Variants in POU3F3 observed in about 807,000 individuals in gnomAD.
The protein encoded by POU3F3 is POU class 3 homeobox 3.
In POU3F3, 1 loss-of-function variant was observed where a neutral mutation model predicts 8.6. That is an observed-to-expected ratio of 0.12 (90% CI 0.04 to 0.55). POU3F3 has a LOEUF of 0.55. POU3F3 is among the 20% of genes least tolerant of loss of function. POU3F3 has a pLI of 0.91. For missense variants in POU3F3, 577 were observed against 690.7 expected, an observed-to-expected ratio of 0.84 and a Z score of 1.84; for synonymous variants, 418 against 327.4, an observed-to-expected ratio of 1.28 and a Z score of -2.99.
chr2:104,862,033 G>A (rs1321339893), downstream of POU3F3, among the ~76,000 whole-genome samples: 4 of 152,222 alleles, frequency 2.6e-5, no homozygotes, highest in Admixed American at 6.5e-5. Flanking sequence ...AGGGGTACTT[G>A]TGTAATCAGA....
chr2:104,919,934 C>G, the POU3F3 span, among the ~76,000 whole-genome samples: 1 of 152,156 alleles, frequency 6.6e-6, no homozygotes, highest in Non-Finnish European at 1.5e-5. Context: ...AAACTTATCT[C>G]TTCCTAAGCA....
chr2:104,863,727 CTGTT>C, the POU3F3 span, among the ~76,000 whole-genome samples: 6 of 152,312 alleles, frequency 3.9e-5, no homozygotes, highest in East Asian at 7.8e-4. Context: ...GGGGCGTACT[CTGTT>C]TGTCTTCCCG....
At chr2:104,898,522 C>CA in the POU3F3 span, among the ~76,000 whole-genome samples, 1 of 151,974 alleles carries the variant, frequency 6.6e-6, no homozygotes, top group Non-Finnish European at 1.5e-5. Flanking sequence ...ATTCTAGTGT[C>CA]AAAAATGTAA....
the POU3F3 span, chr2:104,869,778 T>C: frequency 2.6e-5 from 4 of 152,132 alleles, no homozygotes; most frequent in Non-Finnish European, 4.4e-5. Flanking sequence ...CCAGGCTTGG[T>C]GGTGGGCAGA....
chr2:104,895,447 C>T, the POU3F3 span, among the ~76,000 whole-genome samples: 69 of 152,094 alleles, frequency 4.5e-4, 1 homozygote, highest in East Asian at 0.012. Flanking sequence ...AGAAGCTTTC[C>T]GAAAAGTACA....
chr2:104,869,292 C>T, the POU3F3 span, among the ~76,000 whole-genome samples: 1 of 152,198 alleles, frequency 6.6e-6, no homozygotes, highest in African/African-American at 2.4e-5. Flanking sequence ...TGTGTAGGCC[C>T]ACCTAGGGGA....
chr2:104,917,532 A>C, the POU3F3 span, among the ~76,000 whole-genome samples: 1,469 of 151,978 alleles, frequency 9.7e-3, 47 homozygotes, highest in Admixed American at 0.055. Context: ...GTGATGTTTG[A>C]ATGAAATTTG....
chr2:104,900,680 T>C, the POU3F3 span, among the ~76,000 whole-genome samples: 5 of 152,206 alleles, frequency 3.3e-5, no homozygotes, highest in African/African-American at 1.2e-4. Flanking sequence ...GGGGCACATA[T>C]TAAACTAGAG....
At chr2:104,909,897 T>C in the POU3F3 span, among the ~76,000 whole-genome samples, 12 of 152,232 alleles carry the variant, frequency 7.9e-5, no homozygotes, top group Admixed American at 3.3e-4. Context: ...CTTAGGGAAA[T>C]TGTCAATTTC....
At position 104,854,343 on chromosome 2, in the gene POU3F3, A is replaced by G. The variant is rs1197191438; in HGVS notation, c.-1168A>G. Reference sequence around the variant, plus strand: ...ACTCTACGAGCCGTGCAGCGTGCCCACTGGAGTTGTTGTGTATCAAGGATC... The same window carrying G: ...ACTCTACGAGCCGTGCAGCGTGCCCGCTGGAGTTGTTGTGTATCAAGGATC... On this transcript the variant is annotated 5_prime_UTR_variant, in exon 1 of 1. Coordinates refer to ENST00000361360, the MANE Select transcript of POU3F3 (RefSeq NM_006236.3). The surrounding 1 kb of genome is among the most constrained non-coding windows in gnomAD (Gnocchi z 4.5). 6.6e-6 allele frequency among the ~76,000 whole-genome samples: 1 copy of G among 152,176 alleles called. No individual in the cohort carries two copies. The highest frequency in any genetic ancestry group is 2.4e-5 in the African/African-American group (1 of 41,444).
the POU3F3 span, chr2:104,867,640 G>A: frequency 6.5e-6 from 1 of 154,084 alleles, no homozygotes; most frequent in East Asian, 1.9e-4. This position sits in a 1 kb window ranked among gnomAD's most constrained non-coding sequence, Gnocchi z 5.0. Flanking sequence ...CTGTTCCCCG[G>A]GAGGCTCAGT....
At chr2:104,900,705 G>A in the POU3F3 span, among the ~76,000 whole-genome samples, 466 of 152,140 alleles carry the variant, frequency 3.1e-3, 2 homozygotes, top group Non-Finnish European at 4.7e-3. Flanking sequence ...TCCCTTATTC[G>A]GCTATTTACT....
the POU3F3 span, among the ~76,000 whole-genome samples, chr2:104,876,169 T>A: frequency 6.6e-6 from 1 of 152,214 alleles, no homozygotes; most frequent in Non-Finnish European, 1.5e-5. Flanking sequence ...TATTAGTGAG[T>A]GCTCTTCCTT....
chr2:104,909,501 T>C, the POU3F3 span, among the ~76,000 whole-genome samples: 6 of 152,244 alleles, frequency 3.9e-5, no homozygotes, highest in African/African-American at 1.4e-4. Context: ...TCTCACCTGG[T>C]GCTTGCCGCT....
the POU3F3 span, among the ~76,000 whole-genome samples, chr2:104,902,598 C>T: frequency 6.6e-6 from 1 of 152,098 alleles, no homozygotes; most frequent in African/African-American, 2.4e-5. Context: ...CCTGCTGTAC[C>T]GATAGGAGAG....
In POU3F3 at chr2:104,855,520, G is replaced by A. The variant is rs1676536205; in HGVS notation, c.10G>A (p.Ala4Thr). The A allele has an allele frequency of 9.8e-7, 1 of 1,025,146 alleles. No homozygotes were observed. Among genetic ancestry groups the A allele is most frequent in the Admixed American group, 5.1e-5 (1 of 19,666 alleles). The allele number at this position is 1,025,146 out of a possible 1,614,324, so 63.5% of individuals were successfully genotyped here. The part of the protein sequence containing the change: MAT[A>T]ASNPYLPGNS... ...GCGGGAGCGGAGCGGCATGGCCACG[G>A]CGGCTTCTAACCCCTACCTGCCGGG... Residue 4 changes from alanine to threonine, a missense_variant, in exon 1 of 1, where the codon GCG (alanine) becomes ACG (threonine). Coordinates refer to ENST00000361360, the MANE Select transcript of POU3F3 (RefSeq NM_006236.3).
At chr2:104,914,378 T>G in the POU3F3 span, among the ~76,000 whole-genome samples, 1 of 152,164 alleles carries the variant, frequency 6.6e-6, no homozygotes, top group Non-Finnish European at 1.5e-5. Context: ...GCTCCTCTGA[T>G]GGGTTGATTT....
the POU3F3 span, among the ~76,000 whole-genome samples, chr2:104,922,517 A>C: frequency 6.6e-6 from 1 of 152,124 alleles, no homozygotes; most frequent in African/African-American, 2.4e-5. Context: ...GCAATAACTA[A>C]AATGAAAAAT....
At chr2:104,862,844 T>G (rs1676682876), downstream of POU3F3, among the ~76,000 whole-genome samples, 2 of 152,102 alleles carry the variant, frequency 1.3e-5, no homozygotes, top group Non-Finnish European at 2.9e-5. Context: ...CAACCCGACT[T>G]TGGATCACTG....
Sources: gnomAD v4.1 joint callset for allele counts (sites outside exome capture counted in the v4.1 genomes callset) on GRCh38, gnomAD v4.1.1 for gene constraint, Gnocchi (gnomAD v3.1) non-coding constraint, MANE v1.5 for transcripts, NCBI Gene and HGNC (gene_info 2026-07-23, HGNC 2026-07-21) for gene names.